The following NRTN variants were observed in gnomAD, a reference collection of about 807,000 sequenced individuals.
NRTN encodes prepro-neurturin.
NRTN carries 3 observed loss-of-function variants against 7.5 expected under a neutral mutation model. The observed-to-expected ratio is 0.40, with a 90% CI of 0.18 to 1.03. The LOEUF is 1.03. Among genes scored for constraint, NRTN ranks in the 50% least tolerant of loss-of-function variants. The pLI is 0.34. For synonymous variants in NRTN, 157 were observed against 146.6 expected (o/e 1.07, Z -0.51); for missense variants, 310 against 307.0 (o/e 1.01, Z -0.07).
chr19:5,820,845 T>C (rs1254262463), intron 1 of NRTN, among the ~76,000 whole-genome samples: 1 of 148,206 alleles, frequency 6.7e-6, no homozygotes, highest in Non-Finnish European at 1.5e-5. Context: ...AAGAATGAAA[T>C]GTCCTTCCCA....
chr19:5,824,135 C>T lies in NRTN; in HGVS notation c.-31C>T, dbSNP rs776411562. On this transcript the variant is annotated 5_prime_UTR_variant, in exon 2 of 3. Transcript: ENST00000303212. The stretch of plus-strand genomic sequence containing the variant: ...CTGCTGGAGGGACAGACGGGGCGTG[C>T]GGCTGACCATCCCGTGCCCGCAGGC... The T allele has an allele frequency of 2.5e-5, 40 of 1,601,254 alleles. No homozygotes were observed. Among genetic ancestry groups the T allele is most frequent in the African/African-American group, 8.0e-5 (6 of 74,866 alleles).
chr19:5,810,716 G>A (rs1330288180), intron 1 of NRTN, among the ~76,000 whole-genome samples: 1 of 151,468 alleles, frequency 6.6e-6, no homozygotes, highest in Non-Finnish European at 1.5e-5. Context: ...GGCGGATCAC[G>A]AGGTCAGATC....
chr19:5,813,078 C>G (rs776672929), intron 1 of NRTN, among the ~76,000 whole-genome samples: 7 of 152,200 alleles, frequency 4.6e-5, no homozygotes, highest in African/African-American at 1.7e-4. Flanking sequence ...CCTTCGTGCC[C>G]TATTGAAGAT....
chr19:5,818,863 T>TGCTGGGCCCCCTCCGCC (rs1254142765), intron 1 of NRTN, among the ~76,000 whole-genome samples: 3 of 150,786 alleles, frequency 2.0e-5, no homozygotes, highest in African/African-American at 7.3e-5. Context: ...CAGCCCTGCC[T>TGCTGGGCCCCCTCCGCC]GCTGGGCCCC....
chr19:5,808,663 G>A (rs1403203270), intron 1 of NRTN, among the ~76,000 whole-genome samples: 4 of 151,996 alleles, frequency 2.6e-5, no homozygotes, highest in Non-Finnish European at 4.4e-5. Context: ...CTCCAGCCAC[G>A]CTGGTCATCT....
At chr19:5,822,305 G>A (rs1678851) in intron 1 of NRTN, among the ~76,000 whole-genome samples, 53,252 of 151,818 alleles carry the variant, frequency 0.35, 9,581 homozygotes, top group East Asian at 0.54. Flanking sequence ...AACCCCATGA[G>A]CCGAGCCCAG....
At position 5,805,338 on chromosome 19, in the gene NRTN, C is replaced by T. The variant is rs1222437835; in HGVS notation, c.-512C>T. On this transcript the variant is annotated 5_prime_UTR_variant, in exon 1 of 3. Transcript: ENST00000303212. ...CCGCCCGCGGCCGCCCCCTCCGGCC[C>T]GGGCCCCCCCCGGGCACCGCGGGCC... 6.9e-6 allele frequency among the ~76,000 whole-genome samples: 1 copy of T among 145,574 alleles called. No individual in the cohort carries two copies. Among genetic ancestry groups the T allele is most frequent in the African/African-American group, 2.5e-5 (1 of 40,272 alleles).
At position 5,828,206 on chromosome 19, in the gene NRTN, C is replaced by A; in HGVS notation, c.*33C>A. The stretch of plus-strand genomic sequence containing the variant: ...TCACTCGGCCGGCGCGGCGGCCACT[C>A]CCCCCGCCTCGACGGCACCACTGGC... On this transcript the variant is annotated 3_prime_UTR_variant, in exon 3 of 3. Transcript: ENST00000303212. The A allele has an allele frequency of 6.6e-7, 1 of 1,524,182 alleles. No homozygotes were observed. Among genetic ancestry groups the A allele is most frequent in the South Asian group, 1.2e-5 (1 of 83,208 alleles). 94.4% of individuals were successfully genotyped at this position (1,524,182 alleles called of 1,614,324 possible).
intron 2 of NRTN, among the ~76,000 whole-genome samples, chr19:5,824,726 G>A (rs2057039243): frequency 6.6e-6 from 1 of 152,194 alleles, no homozygotes; most frequent in East Asian, 1.9e-4. Flanking sequence ...AGGCTGCATT[G>A]AGCTATGATT....
intron 1 of NRTN, among the ~76,000 whole-genome samples, chr19:5,809,479 C>T (rs949547481): frequency 1.4e-5 from 2 of 148,092 alleles, no homozygotes; most frequent in Non-Finnish European, 2.9e-5. Flanking sequence ...CAGCCCCATC[C>T]TGGTTTTTTT....
At position 5,812,916 on chromosome 19, in the gene NRTN, C is replaced by G. The variant is rs535664780; in HGVS notation, c.-399+7465C>G. ...CACAGGCGCGCGAACACATGTATGC[C>G]GCGGCGTTCACACACACAGGCACTT... On this transcript the variant is annotated intron_variant, in intron 1 of 2. Transcript: ENST00000303212. Among the ~76,000 whole-genome samples, 5 of 152,140 alleles carry G rather than the reference C, an allele frequency of 3.3e-5. No homozygotes were observed. The South Asian group carries it at 1.0e-3, about 32-fold the overall frequency.
chr19:5,817,656 TGTGA>T (rs2057010195), intron 1 of NRTN, among the ~76,000 whole-genome samples: 3 of 151,612 alleles, frequency 2.0e-5, no homozygotes, highest in Non-Finnish European at 4.4e-5. Context: ...CAGGCAGGCG[TGTGA>T]GTGTCATCAT....
intron 2 of NRTN, among the ~76,000 whole-genome samples, chr19:5,824,951 G>A (rs118181774): frequency 1.1e-4 from 17 of 152,264 alleles, no homozygotes; most frequent in Non-Finnish European, 1.9e-4. Flanking sequence ...GGGCCAGATG[G>A]AGATTAGACC....
In NRTN at chr19:5,828,089, C is replaced by T. The variant is rs2144771945; in HGVS notation, c.510C>T (p.Tyr170=). Residue 170 remains tyrosine, a synonymous_variant, in exon 3 of 3, where the codon TAC becomes TAT. Coordinates refer to ENST00000303212, the MANE Select transcript of NRTN (RefSeq NM_004558.5). The part of the protein sequence containing the change: ...RAQPCCRPTA[Y]EDEVSFLDAH... Reference sequence around the variant, plus strand: ...AGCCCTGCTGCCGCCCGACGGCCTACGAGGACGAGGTGTCCTTCCTGGACG... The same window carrying T: ...AGCCCTGCTGCCGCCCGACGGCCTATGAGGACGAGGTGTCCTTCCTGGACG... 6.7e-7 allele frequency: 1 copy of T among 1,492,242 alleles called. No homozygotes were observed. The highest frequency in any genetic ancestry group is 8.9e-7 in the Non-Finnish European group (1 of 1,128,394). The allele number at this position is 1,492,242 out of a possible 1,614,324, so 92.4% of individuals were successfully genotyped here.
chr19:5,808,455 C>T (rs1433694436), intron 1 of NRTN, among the ~76,000 whole-genome samples: 1 of 152,196 alleles, frequency 6.6e-6, no homozygotes, highest in Non-Finnish European at 1.5e-5. Context: ...CACAGAGGGC[C>T]GGGGCCAGAA....
intron 1 of NRTN, among the ~76,000 whole-genome samples, chr19:5,813,137 G>C (rs1009516355): frequency 6.6e-6 from 1 of 152,054 alleles, no homozygotes; most frequent in South Asian, 2.1e-4. Flanking sequence ...CACTTTGGGA[G>C]GCAAAGAAGG....
intron 1 of NRTN, among the ~76,000 whole-genome samples, chr19:5,807,102 G>A (rs1010182972): frequency 5.3e-5 from 8 of 152,126 alleles, no homozygotes; most frequent in Non-Finnish European, 1.2e-4. Flanking sequence ...GGGCTGTGAA[G>A]GATGAGTAGG....
chr19:5,809,197 G>A (rs2056982801), intron 1 of NRTN, among the ~76,000 whole-genome samples: 1 of 148,350 alleles, frequency 6.7e-6, no homozygotes, highest in Non-Finnish European at 1.5e-5. Context: ...TTCTGAGACG[G>A]TGTTGCTCTG....
At chr19:5,819,225 G>A (rs2057015341) in intron 1 of NRTN, among the ~76,000 whole-genome samples, 1 of 93,600 alleles carries the variant, frequency 1.1e-5, no homozygotes, top group South Asian at 4.0e-4. Context: ...TCATGCAGTG[G>A]GGATAAGGGT....
Sources: gnomAD v4.1 joint callset for allele counts (sites outside exome capture counted in the v4.1 genomes callset) on GRCh38, gnomAD v4.1.1 for gene constraint, MANE v1.5 for transcripts, NCBI Gene and HGNC (gene_info 2026-07-23, HGNC 2026-07-21) for gene names.